KRT26: variants seen among roughly 807,000 people sequenced by gnomAD.
The protein encoded by KRT26 is keratin, type I cytoskeletal 26.
In KRT26, 45 loss-of-function variants were observed where a neutral mutation model predicts 46.1. The observed-to-expected ratio is 0.98, with a 90% CI of 0.77 to 1.25. KRT26 has a LOEUF of 1.25. KRT26 is among the 50% of genes most tolerant of loss of function. KRT26 has a pLI of 0.00. For synonymous variants in KRT26, 191 were observed against 209.9 expected (o/e 0.91, Z 0.78); for missense variants, 582 against 560.1 (o/e 1.04, Z -0.39).
At chr17:40,767,387 T>C (rs1034428514) in intron 7 of KRT26, among the ~76,000 whole-genome samples, 199 bp downstream of exon 7, 1 of 152,220 alleles carries the variant, frequency 6.6e-6, no homozygotes, top group Non-Finnish European at 1.5e-5. Flanking sequence ...ATTTCAATAA[T>C]TTCATAATTT....
chr17:40,766,666 T>A (rs1182654401), exon 8 of KRT26: 1 of 1,604,256 alleles, frequency 6.2e-7, no homozygotes, highest in Admixed American at 1.7e-5. Flanking sequence ...TTCTGTTGAG[T>A]CTAAAATAAA....
chr17:40,767,462 C>T, intron 7 of KRT26, 124 bp downstream of exon 7: 2 of 524,132 alleles, frequency 3.8e-6, no homozygotes, highest in South Asian at 7.6e-5. Flanking sequence ...AATGACCCCT[C>T]ATCCCTTTAT....
At chr17:40,770,476 T>A in intron 2 of KRT26, 67 bp from the exon 3 acceptor site, 1 of 1,263,818 alleles carries the variant, frequency 7.9e-7, no homozygotes, top group Non-Finnish European at 1.1e-6. Flanking sequence ...CTTTTTAAGG[T>A]ATTTCATATG....
intron 5 of KRT26, 137 bp from the exon 6 acceptor site, chr17:40,769,233 C>T (rs1425274121): frequency 2.5e-5 from 14 of 569,652 alleles, no homozygotes; most frequent in Admixed American, 9.7e-5. Flanking sequence ...TCTTGGCTCA[C>T]TGCAGCCTCT....
chr17:40,771,778 C>T, exon 1 of KRT26: 2 of 1,614,184 alleles, frequency 1.2e-6, no homozygotes, highest in Non-Finnish European at 1.7e-6. Context: ...TGATCTTCTG[C>T]TCCAGGTCTG....
intron 1 of KRT26, 92 bp downstream of exon 1, chr17:40,771,581 A>T: frequency 6.9e-6 from 8 of 1,159,318 alleles, no homozygotes; most frequent in Non-Finnish European, 8.5e-6. Context: ...CTTACATCAC[A>T]TAAATTTGTT....
At chr17:40,769,347 G>C (rs539679325) in intron 5 of KRT26, among the ~76,000 whole-genome samples, 82 of 152,128 alleles carry the variant, frequency 5.4e-4, no homozygotes, top group Non-Finnish European at 6.2e-4. Flanking sequence ...AGTAGAGATG[G>C]GGTTTCACCA....
intron 6 of KRT26, 99 bp from the exon 7 acceptor site, chr17:40,767,752 C>A: frequency 1.6e-6 from 1 of 624,266 alleles, no homozygotes; most frequent in Non-Finnish European, 2.8e-6. Context: ...ATTCTAGTTT[C>A]AATAAGATTC....
chr17:40,766,439 T>C (rs951663659), exon 8 of KRT26: 131 of 1,288,044 alleles, frequency 1.0e-4, no homozygotes, highest in Non-Finnish European at 1.4e-4. Context: ...AGTAGGATTT[T>C]TGCAAAGGCA....
At chr17:40,771,597 C>T (rs2038221442) in intron 1 of KRT26, 76 bp downstream of exon 1, 1 of 1,350,832 alleles carries the variant, frequency 7.4e-7, no homozygotes, top group East Asian at 2.3e-5. Context: ...TTGTTAGGCA[C>T]ATTTTATATT....
Position 40,771,139 on chromosome 17 carries a change from T to C in KRT26, c.524+15A>G. 1 of 1,486,064 alleles carries C rather than the reference T, an allele frequency of 6.7e-7. No homozygotes were observed. Among genetic ancestry groups the C allele is most frequent in the Non-Finnish European group, 9.2e-7 (1 of 1,085,560 alleles). 92.1% of individuals were successfully genotyped at this position (1,486,064 alleles called of 1,614,324 possible). On this transcript the variant is annotated intron_variant, in intron 2 of 7. Coordinates refer to ENST00000335552, the Ensembl canonical transcript of KRT26. Reference sequence around the variant, plus strand: ...AACTTTTATTAATATAATTAATCAGTTTGTTTTCACCTACTTCAGCCTGAA... The same window carrying C: ...AACTTTTATTAATATAATTAATCAGCTTGTTTTCACCTACTTCAGCCTGAA...
Position 40,769,830 on chromosome 17 carries a change from G to T in KRT26, c.893C>A (p.Ala298Glu). The change falls in exon 5 of 8, where the codon GCA becomes GAA. Residue 298 changes from alanine (A) to glutamate (E), a missense_variant. Transcript: ENST00000335552. The stretch of plus-strand genomic sequence containing the variant: ...TAATTCGGTCAGCTCATTTCTGGCT[G>T]CTGTGGCTGCTCCCTCATGATCGGA... 1 of 1,614,178 alleles carries T rather than the reference G, an allele frequency of 6.2e-7. No homozygotes were observed. Among genetic ancestry groups the T allele is most frequent in the Non-Finnish European group, 8.5e-7 (1 of 1,180,016 alleles).
At chr17:40,771,171 A>G in exon 2 of KRT26, 1 of 1,599,186 alleles carries the variant, frequency 6.3e-7, no homozygotes, top group Non-Finnish European at 8.5e-7. Flanking sequence ...TGAAGTCATC[A>G]GCGGTCAGTC....
intron 7 of KRT26, 45 bp from the exon 8 acceptor site, chr17:40,766,711 T>C: frequency 7.0e-7 from 1 of 1,422,358 alleles, no homozygotes; most frequent in Non-Finnish European, 9.8e-7. Flanking sequence ...TTTTAACAGG[T>C]TGAAAAGTAG....
exon 8 of KRT26, chr17:40,766,496 C>T: frequency 6.6e-7 from 1 of 1,522,094 alleles, no homozygotes. Context: ...TTCTTTCTTT[C>T]CAAATAACTT....
Position 40,770,263 on chromosome 17 carries a change from CT to C in KRT26, c.670del (p.Ser224ValfsTer17). ...TGCAGGCTTCCTTACCTCCTCATGA[CT>C]TTTTTTGAGGTAGGTCAATTCCTCA... On this transcript the variant is annotated frameshift_variant, in exon 3 of 8. Coordinates refer to ENST00000335552, the Ensembl canonical transcript of KRT26. LOFTEE classifies it high-confidence loss of function. 3 of 1,614,092 alleles carry C rather than the reference CT, an allele frequency of 1.9e-6. No individual in the cohort carries two copies. Among genetic ancestry groups the C allele is most frequent in the Non-Finnish European group, 2.5e-6 (3 of 1,179,996 alleles).
chr17:40,767,445 C>T (rs1474740150), intron 7 of KRT26, 141 bp downstream of exon 7: 4 of 458,868 alleles, frequency 8.7e-6, no homozygotes, highest in Non-Finnish European at 1.5e-5. Context: ...ATATTAAGAA[C>T]TATCATAATG....
At chr17:40,771,589 G>A in intron 1 of KRT26, 84 bp downstream of exon 1, 1 of 1,248,534 alleles carries the variant, frequency 8.0e-7, no homozygotes, top group Non-Finnish European at 1.1e-6. Flanking sequence ...ACATAAATTT[G>A]TTAGGCACAT....
At chr17:40,771,339 T>A in intron 1 of KRT26, 103 bp from the exon 2 acceptor site, 1 of 651,770 alleles carries the variant, frequency 1.5e-6, no homozygotes, top group Non-Finnish European at 2.6e-6. Flanking sequence ...ACATCTGTTT[T>A]AGTATCTTTT....
Sources: gnomAD v4.1 joint callset for allele counts (sites outside exome capture counted in the v4.1 genomes callset) on GRCh38, gnomAD v4.1.1 for gene constraint, MANE v1.5 for transcripts, NCBI Gene and HGNC (gene_info 2026-07-23, HGNC 2026-07-21) for gene names.